The following GLRA3 variants were observed in gnomAD, a reference collection of about 807,000 sequenced individuals.
GLRA3 encodes glycine receptor subunit alpha-3.
In GLRA3, 44 loss-of-function variants were observed where a neutral mutation model predicts 60.4. The ratio of observed to expected loss-of-function variants is 0.73; its 90% CI spans 0.57 to 0.94. The LOEUF (loss-of-function observed/expected upper bound fraction) is 0.94. Among genes scored for constraint, GLRA3 ranks in the 40% least tolerant of loss-of-function variants. The pLI, the probability that GLRA3 is intolerant of heterozygous loss-of-function variation, is 0.00. For synonymous variants in GLRA3, 223 were observed against 192.9 expected (o/e 1.16, Z -1.29); for missense variants, 508 against 564.6 (o/e 0.90, Z 1.02).
In GLRA3 at chr4:174,721,879, A is replaced by G. The variant is rs898747714; in HGVS notation, c.492-6309T>C. Reference sequence around the variant, plus strand: ...CATATGTGTGTGTATATGTGTGTGTATATATATATGTGTGTGTATGTGTGT... The same window carrying G: ...CATATGTGTGTGTATATGTGTGTGTGTATATATATGTGTGTGTATGTGTGT... On this transcript the variant is annotated intron_variant, in intron 4 of 9. Coordinates refer to ENST00000274093, the MANE Select transcript of GLRA3 (RefSeq NM_006529.4). 8.3e-5 allele frequency among the ~76,000 whole-genome samples: 12 copies of G among 144,018 alleles called. 1 individual carries two copies. The highest frequency in any genetic ancestry group is 1.1e-4 in the Non-Finnish European group (7 of 65,842). The allele number at this position is 144,018 out of a possible 152,430, so 94.5% of individuals were successfully genotyped here. A position where few individuals can be genotyped will look rare whatever the true frequency, so the allele number is the denominator to read the frequency against.
intron 2 of GLRA3, among the ~76,000 whole-genome samples, chr4:174,767,976 A>G (rs987217041): frequency 2.0e-5 from 3 of 152,158 alleles, no homozygotes; most frequent in Non-Finnish European, 4.4e-5. Context: ...GGCAGCTACA[A>G]TGTTAAACAA....
intron 1 of GLRA3, among the ~76,000 whole-genome samples, chr4:174,793,077 CTT>C (rs1739420286): frequency 6.6e-6 from 1 of 152,120 alleles, no homozygotes; most frequent in South Asian, 2.1e-4. Context: ...AATTGTCAGA[CTT>C]TTGAAAAAGT....
intron 4 of GLRA3, among the ~76,000 whole-genome samples, chr4:174,721,007 T>TTGTGTGTGTGTGTG (rs10639932): frequency 2.9e-4 from 41 of 141,454 alleles, no homozygotes; most frequent in African/African-American, 1.0e-3. Flanking sequence ...TGTGTGAACT[T>TTGTGTGTGTGTGTG]TGTGTGTGTG....
In GLRA3 at chr4:174,643,236, C is replaced by T. The variant is rs1228609971; in HGVS notation, c.*550G>A. ...TCCAAATCATTAAAGTCTTTTAATGCTCTTATTTAAAAATTTTCAAAATTA... is the reference window on the plus strand; with the variant it reads ...TCCAAATCATTAAAGTCTTTTAATGTTCTTATTTAAAAATTTTCAAAATTA... On this transcript the variant is annotated 3_prime_UTR_variant, in exon 10 of 10. Transcript: ENST00000274093. 2 of 697,184 alleles carry T rather than the reference C, an allele frequency of 2.9e-6. No homozygotes were observed. Among genetic ancestry groups the T allele is most frequent in the African/African-American group, 3.9e-5 (2 of 50,848 alleles). The allele number at this position is 697,184 out of a possible 1,614,324, so 43.2% of individuals were successfully genotyped here.
At chr4:174,698,065 G>A (rs1335280572) in intron 5 of GLRA3, among the ~76,000 whole-genome samples, 1 of 152,090 alleles carries the variant, frequency 6.6e-6, no homozygotes, top group East Asian at 1.9e-4. Context: ...CACTAAATAG[G>A]CCCCAAATCA....
At chr4:174,732,417 C>G (rs968386882) in intron 3 of GLRA3, among the ~76,000 whole-genome samples, 3 of 149,860 alleles carry the variant, frequency 2.0e-5, no homozygotes, top group African/African-American at 7.3e-5. Context: ...TATATGCACA[C>G]TCAGGATACA....
intron 2 of GLRA3, among the ~76,000 whole-genome samples, chr4:174,783,250 A>G (rs1738967881): frequency 6.8e-6 from 1 of 146,334 alleles, no homozygotes; most frequent in Admixed American, 6.8e-5. Context: ...TGGTGCTGGG[A>G]AAACTGGCTA....
At chr4:174,820,655 C>T (rs1740708810) in intron 1 of GLRA3, among the ~76,000 whole-genome samples, 1 of 152,166 alleles carries the variant, frequency 6.6e-6, no homozygotes, top group Non-Finnish European at 1.5e-5. Flanking sequence ...ATGGGATTCA[C>T]ATTTTTTTCC....
intron 6 of GLRA3, among the ~76,000 whole-genome samples, chr4:174,678,954 A>T (rs1222862097): frequency 6.6e-6 from 1 of 152,122 alleles, no homozygotes; most frequent in Non-Finnish European, 1.5e-5. Context: ...AAATTCTCTA[A>T]ATTTCAGGTG....
At chr4:174,670,210 G>A (rs1314227030) in intron 7 of GLRA3, among the ~76,000 whole-genome samples, 5 of 152,032 alleles carry the variant, frequency 3.3e-5, no homozygotes, top group Non-Finnish European at 7.4e-5. Flanking sequence ...ATCTACTCAG[G>A]CTAAATTATA....
At chr4:174,760,340 T>G (rs554758547) in intron 3 of GLRA3, among the ~76,000 whole-genome samples, 1 of 152,238 alleles carries the variant, frequency 6.6e-6, no homozygotes, top group African/African-American at 2.4e-5. Context: ...TGTAAAACAA[T>G]AGGAAATCTC....
Position 174,650,672 on chromosome 4 carries a change from T to C in GLRA3, c.1116+6071A>G, listed in dbSNP as rs558124076. Among the ~76,000 whole-genome samples, 96 of 152,226 alleles carry C rather than the reference T, an allele frequency of 6.3e-4. 3 individuals carry two copies. The South Asian group carries it at 0.018, about 29-fold the overall frequency. The stretch of plus-strand genomic sequence containing the variant: ...TTCCAGTCTAAGTGCCCTGGCAAAA[T>C]TAAAATAGTGTATTCAAGACCAACT... On this transcript the variant is annotated intron_variant, in intron 9 of 9. Coordinates refer to ENST00000274093, the MANE Select transcript of GLRA3 (RefSeq NM_006529.4).
intron 1 of GLRA3, among the ~76,000 whole-genome samples, chr4:174,810,178 T>C (rs1053673891): frequency 1.3e-5 from 2 of 152,114 alleles, no homozygotes; most frequent in Non-Finnish European, 2.9e-5. Context: ...ATTGGTAAAT[T>C]ACATGCTATT....
chr4:174,798,695 C>A (rs374436310), intron 1 of GLRA3, among the ~76,000 whole-genome samples: 5 of 152,250 alleles, frequency 3.3e-5, no homozygotes, highest in South Asian at 4.1e-4. Context: ...GAGGCCAAGG[C>A]GGGCGGATCA....
intron 5 of GLRA3, chr4:174,713,544 T>C (rs1316764323): frequency 6.6e-6 from 1 of 152,232 alleles, no homozygotes; most frequent in African/African-American, 2.4e-5. Context: ...ATTATTCTAA[T>C]CACATTTGTC....
rs1012483618 is a variant in GLRA3, at chr4:174,770,714, G to A, written c.200-3684C>T. Among the ~76,000 whole-genome samples, 8 of 152,058 alleles carry A rather than the reference G, an allele frequency of 5.3e-5. No homozygotes were observed. The South Asian group carries it at 6.2e-4, about 12-fold the overall frequency. On this transcript the variant is annotated intron_variant, in intron 2 of 9. Coordinates refer to ENST00000274093, the MANE Select transcript of GLRA3 (RefSeq NM_006529.4). ...TATAAAAGACCTGCATCCTAGGGGC[G>A]CTGTATTTAGTTACTAATGAACATT...
At chr4:174,828,002 G>T (rs985138858) in intron 1 of GLRA3, among the ~76,000 whole-genome samples, 1 of 151,812 alleles carries the variant, frequency 6.6e-6, no homozygotes, top group South Asian at 2.1e-4. Context: ...CATTAAGAAC[G>T]GGGTAAAATT....
chr4:174,746,576 A>G (rs1737259078), intron 3 of GLRA3, among the ~76,000 whole-genome samples: 1 of 152,196 alleles, frequency 6.6e-6, no homozygotes, highest in Non-Finnish European at 1.5e-5. Context: ...AATAAATTCT[A>G]GAGTTTGATA....
chr4:174,743,644 G>C (rs1737113635), intron 3 of GLRA3, among the ~76,000 whole-genome samples: 1 of 152,090 alleles, frequency 6.6e-6, no homozygotes, highest in Non-Finnish European at 1.5e-5. Flanking sequence ...GATTAAAGAA[G>C]TACCTGCCAG....
Sources: gnomAD v4.1 joint callset for allele counts (sites outside exome capture counted in the v4.1 genomes callset) on GRCh38, gnomAD v4.1.1 for gene constraint, MANE v1.5 for transcripts, NCBI Gene and HGNC (gene_info 2026-07-23, HGNC 2026-07-21) for gene names.